Variants in TNFSF4 observed in about 807,000 individuals in gnomAD.
TNFSF4 encodes the protein tumor necrosis factor ligand superfamily member 4.
TNFSF4 carries 4 observed loss-of-function variants against 7.3 expected under a neutral mutation model. That is an observed-to-expected ratio of 0.55 (90% CI 0.27 to 1.25). The LOEUF (loss-of-function observed/expected upper bound fraction) is 1.25. Ranked by LOEUF, TNFSF4 falls within the 50% of genes most tolerant of loss-of-function variation. The probability of loss-of-function intolerance (pLI) is 0.12; values close to 1 mark genes in which losing one functional copy is unlikely to be tolerated. For synonymous variants in TNFSF4, 76 were observed against 83.7 expected, an observed-to-expected ratio of 0.91 and a Z score of 0.50; for missense variants, 181 against 208.8, an observed-to-expected ratio of 0.87 and a Z score of 0.82.
chr1:173,428,094 C>T, the TNFSF4 span, among the ~76,000 whole-genome samples: 2 of 151,818 alleles, frequency 1.3e-5, no homozygotes, highest in Non-Finnish European at 2.9e-5. Flanking sequence ...TACAGGCACC[C>T]GCCACCACAC....
chr1:173,268,052 C>A, the TNFSF4 span, among the ~76,000 whole-genome samples: 1 of 152,084 alleles, frequency 6.6e-6, no homozygotes, highest in Non-Finnish European at 1.5e-5. Context: ...CTGAATCCTG[C>A]ACCTGACAAA....
In TNFSF4 at chr1:173,184,768, A is replaced by G. The variant is rs960754244; in HGVS notation, c.*1748T>C. 2 of 152,140 alleles carry G rather than the reference A, an allele frequency of 1.3e-5. No individual in the cohort carries two copies. The highest frequency in any genetic ancestry group is 4.8e-5 in the African/African-American group (2 of 41,440). The allele number at this position is 152,140 out of a possible 1,614,324, so 9.4% of individuals were successfully genotyped here. ...GAGTAGTGAAGCCAGATATCATTGA[A>G]TATCTGTCTCAGAATGATTCTTGTA... On this transcript the variant is annotated 3_prime_UTR_variant, in exon 3 of 3. Transcript: ENST00000281834.
intron 1 of TNFSF4, among the ~76,000 whole-genome samples, chr1:173,198,621 AAAAC>A (rs1649808622): frequency 2.0e-5 from 3 of 152,222 alleles, no homozygotes; most frequent in African/African-American, 7.2e-5. Flanking sequence ...TCCATCTCAA[AAAAC>A]AAACAAACAA....
chr1:173,211,142 T>C (rs892834507), upstream of TNFSF4, among the ~76,000 whole-genome samples: 2 of 152,196 alleles, frequency 1.3e-5, no homozygotes, highest in African/African-American at 4.8e-5. Flanking sequence ...TGGCTCTTCA[T>C]TCACCAGACA....
At chr1:173,375,949 C>A in the TNFSF4 span, among the ~76,000 whole-genome samples, 2 of 152,142 alleles carry the variant, frequency 1.3e-5, no homozygotes, top group African/African-American at 4.8e-5. Flanking sequence ...AGACCACTAA[C>A]CCACTGGCAG....
At chr1:173,445,360 G>A in the TNFSF4 span, among the ~76,000 whole-genome samples, 1 of 152,196 alleles carries the variant, frequency 6.6e-6, no homozygotes, top group Admixed American at 6.5e-5. Context: ...CGATGGGGGT[G>A]CTGCAGACAG....
At chr1:173,368,007 A>G in the TNFSF4 span, among the ~76,000 whole-genome samples, 2 of 152,190 alleles carry the variant, frequency 1.3e-5, no homozygotes, top group African/African-American at 4.8e-5. Context: ...TAGCTAGCAA[A>G]GGGATTGTAA....
the TNFSF4 span, among the ~76,000 whole-genome samples, chr1:173,218,781 A>T: frequency 1.3e-5 from 2 of 152,096 alleles, no homozygotes; most frequent in African/African-American, 4.8e-5. Context: ...ATTTTCTTTT[A>T]TTACTTGTAT....
chr1:173,371,175 G>A, the TNFSF4 span, among the ~76,000 whole-genome samples: 1 of 152,204 alleles, frequency 6.6e-6, no homozygotes, highest in African/African-American at 2.4e-5. Flanking sequence ...CCTTCTCAGT[G>A]TTAATCTCCT....
the TNFSF4 span, among the ~76,000 whole-genome samples, chr1:173,408,664 T>C: frequency 6.7e-6 from 1 of 148,478 alleles, no homozygotes; most frequent in East Asian, 2.2e-4. Context: ...GCTCGATCAC[T>C]GCAGCCTCAA....
the TNFSF4 span, among the ~76,000 whole-genome samples, chr1:173,234,134 G>A: frequency 5.9e-5 from 9 of 152,268 alleles, no homozygotes; most frequent in Admixed American, 1.3e-4. Flanking sequence ...AAAAGTTGGC[G>A]AAGGATATGA....
chr1:173,363,014 T>A, the TNFSF4 span: 1 of 387,342 alleles, frequency 2.6e-6, no homozygotes. Flanking sequence ...GGACTTGCCT[T>A]ATCTTCAATA....
the TNFSF4 span, among the ~76,000 whole-genome samples, chr1:173,242,735 G>T: frequency 6.6e-6 from 1 of 152,052 alleles, no homozygotes; most frequent in South Asian, 2.1e-4. Flanking sequence ...GAAGATGGAG[G>T]GAGGAACCAT....
At chr1:173,411,645 C>CA in the TNFSF4 span, among the ~76,000 whole-genome samples, 11 of 151,546 alleles carry the variant, frequency 7.3e-5, no homozygotes, top group African/African-American at 2.4e-5. Context: ...ACTAAAAATA[C>CA]AAAAAAATTA....
At chr1:173,386,820 T>A in the TNFSF4 span, among the ~76,000 whole-genome samples, 2 of 152,158 alleles carry the variant, frequency 1.3e-5, no homozygotes, top group Non-Finnish European at 2.9e-5. Context: ...GGATATGGAG[T>A]CAATGATTAT....
the TNFSF4 span, among the ~76,000 whole-genome samples, chr1:173,273,378 T>A: frequency 6.6e-6 from 1 of 152,170 alleles, no homozygotes; most frequent in Admixed American, 6.6e-5. Flanking sequence ...AAGCTAGATC[T>A]TGTTCAGATA....
At chr1:173,220,049 A>T in the TNFSF4 span, among the ~76,000 whole-genome samples, 1 of 151,474 alleles carries the variant, frequency 6.6e-6, no homozygotes, top group Non-Finnish European at 1.5e-5. Context: ...CTATTAAAAT[A>T]AAAAAAAATT....
the TNFSF4 span, among the ~76,000 whole-genome samples, chr1:173,435,217 C>T: frequency 6.6e-6 from 1 of 152,116 alleles, no homozygotes; most frequent in African/African-American, 2.4e-5. Context: ...GCTTTACCTA[C>T]TAGAGATACT....
the TNFSF4 span, among the ~76,000 whole-genome samples, chr1:173,364,087 GTGTACAAAGATA>G: frequency 2.0e-5 from 3 of 151,958 alleles, no homozygotes; most frequent in Non-Finnish European, 4.4e-5. Flanking sequence ...ACTCATAAAT[GTGTACAAAGATA>G]TTTTTATGGA....
Sources: allele counts gnomAD v4.1 joint callset (sites outside exome capture counted in the v4.1 genomes callset), GRCh38; gene constraint gnomAD v4.1.1; transcripts MANE v1.5; gene names NCBI Gene and HGNC (gene_info 2026-07-23, HGNC 2026-07-21).